Variants in ADCY3 observed in about 807,000 individuals in gnomAD.
ADCY3 encodes the protein adenylate cyclase 3.
In ADCY3, 70 loss-of-function variants were observed where a neutral mutation model predicts 119.4. The observed-to-expected ratio is 0.59, with a 90% CI of 0.48 to 0.72. The LOEUF (loss-of-function observed/expected upper bound fraction) is 0.72. Ranked by LOEUF, ADCY3 falls within the 30% of genes least tolerant of loss-of-function variation. ADCY3 has a pLI of 0.00. For synonymous variants in ADCY3, 672 were observed against 621.4 expected (o/e 1.08, Z -1.21); for missense variants, 1,238 against 1,541.6 (o/e 0.80, Z 3.30).
chr2:24,917,252 C>G (rs1013649989), intron 2 of ADCY3, among the ~76,000 whole-genome samples: 1 of 152,212 alleles, frequency 6.6e-6, no homozygotes, highest in African/African-American at 2.4e-5. Context: ...TCCTGACACC[C>G]AGAAGGTCAC....
At chr2:24,868,249 A>G (rs780649737) in intron 3 of ADCY3, among the ~76,000 whole-genome samples, 1 of 152,250 alleles carries the variant, frequency 6.6e-6, no homozygotes, top group Non-Finnish European at 1.5e-5. Flanking sequence ...ATTAGTAAAT[A>G]TTTTAAATTA....
Position 24,843,686 on chromosome 2 carries a change from C to T in ADCY3, c.826-1302G>A, listed in dbSNP as rs181295013. ...TCTGGAACAGGGAACAGAGGAAGAG[C>T]GGCAGATATGAGGGCAAAGACAGGG... On this transcript the variant is annotated intron_variant, in intron 3 of 21. Transcript: ENST00000679454. 3.9e-5 allele frequency among the ~76,000 whole-genome samples: 6 copies of T among 152,298 alleles called. No homozygotes were observed. The East Asian group carries it at 5.8e-4, about 15-fold the overall frequency.
chr2:24,902,696 A>C (rs1679046292), intron 2 of ADCY3, among the ~76,000 whole-genome samples: 1 of 151,992 alleles, frequency 6.6e-6, no homozygotes, highest in Non-Finnish European at 1.5e-5. Context: ...GATGCAGATG[A>C]AGACCTTTTG....
At chr2:24,894,718 G>A (rs967105526) in intron 2 of ADCY3, among the ~76,000 whole-genome samples, 12 of 151,538 alleles carry the variant, frequency 7.9e-5, no homozygotes, top group African/African-American at 2.7e-4. Flanking sequence ...ACTCCTTTGT[G>A]CAGCCCAAAT....
chr2:24,825,791 C>T (rs1016744383), intron 16 of ADCY3: 7 of 533,414 alleles, frequency 1.3e-5, no homozygotes, highest in South Asian at 4.7e-5. Flanking sequence ...CACTCTATCC[C>T]CTCCCACCTT....
chr2:24,820,804 T>G lies in ADCY3; in HGVS notation c.3172A>C (p.Lys1058Gln). Residue 1058 changes from lysine (K) to glutamine (Q), a missense_variant, in exon 21 of 22, where the codon AAA (lysine) becomes CAA (glutamine). By Grantham distance (53) the Lys-to-Gln change is moderately conservative. Transcript: ENST00000679454. The part of the protein sequence containing the change: ...GVLAGVIGAR[K>Q]PHYDIWGNTV... ...TTGCCCCAGATGTCGTAGTGTGGTT[T>G]CCGGGCTCCGATGACCCCAGCCAGA... 6.2e-7 allele frequency: 1 copy of G among 1,614,136 alleles called. No homozygotes were observed. The highest frequency in any genetic ancestry group is 8.5e-7 in the Non-Finnish European group (1 of 1,180,002).
At chr2:24,905,471 G>A (rs1225314345) in intron 2 of ADCY3, among the ~76,000 whole-genome samples, 1 of 152,220 alleles carries the variant, frequency 6.6e-6, no homozygotes, top group African/African-American at 2.4e-5. Flanking sequence ...GTCTAGGAAA[G>A]TTGAATATGG....
intron 2 of ADCY3, among the ~76,000 whole-genome samples, chr2:24,897,675 TG>T (rs2148970376): frequency 6.6e-6 from 1 of 152,328 alleles, no homozygotes; most frequent in South Asian, 2.1e-4. Context: ...CATCAGTTTA[TG>T]GGGAGTGTGT....
Position 24,831,743 on chromosome 2 carries a change from C to T in ADCY3, c.1974G>A (p.Met658Ile), listed in dbSNP as rs779591835. The T allele has an allele frequency of 5.7e-6, 9 of 1,584,006 alleles. No homozygotes were observed. The East Asian group carries it at 1.4e-4, about 25-fold the overall frequency. The change falls in exon 12 of 22, where the codon ATG becomes ATA. Residue 658 changes from methionine (M) to isoleucine (I), a missense_variant. By Grantham distance (10) the Met-to-Ile change is conservative (BLOSUM62 1). Around this residue, in one of 7 missense-constraint regions of ADCY3, gnomAD observed 499 missense variants for 571.0 expected, o/e 0.87. Coordinates refer to ENST00000679454, the MANE Select transcript of ADCY3 (RefSeq NM_004036.5). ...CCACCATGAAGGTCACATAGTTTGT[C>T]ATTAGCCTGTGACAGAGAGAAGACA... ...LVEILIDPWL[M>I]TNYVTFMVGE...
intron 3 of ADCY3, among the ~76,000 whole-genome samples, chr2:24,844,428 C>T (rs1671431886): frequency 6.6e-6 from 1 of 152,100 alleles, no homozygotes; most frequent in African/African-American, 2.4e-5. Context: ...GGGACCTTGC[C>T]TCCTGACAAG....
chr2:24,837,491 C>T (rs376273373), intron 8 of ADCY3, among the ~76,000 whole-genome samples: 13 of 152,174 alleles, frequency 8.5e-5, no homozygotes, highest in Admixed American at 7.9e-4. Context: ...CGGGGAGTAT[C>T]AGCCTTCACT....
At position 24,899,073 on chromosome 2, in the gene ADCY3, C is replaced by T. The variant is rs1184539181; in HGVS notation, c.675+19240G>A. On this transcript the variant is annotated intron_variant, in intron 2 of 21. Coordinates refer to ENST00000679454, the MANE Select transcript of ADCY3 (RefSeq NM_004036.5). The surrounding 1 kb of genome is among the most constrained non-coding windows in gnomAD (Gnocchi z 4.5). ...TCACTGGCTTCCAATGTCCCCCTAC[C>T]CCTCCCACCTTTTCCCAGCTCACCT... Among the ~76,000 whole-genome samples, 1 of 152,100 alleles carries T rather than the reference C, an allele frequency of 6.6e-6. No homozygotes were observed. Among genetic ancestry groups the T allele is most frequent in the Admixed American group, 6.5e-5 (1 of 15,280 alleles).
intron 16 of ADCY3, chr2:24,825,466 C>G (rs1668485450): frequency 6.5e-6 from 1 of 153,170 alleles, no homozygotes; most frequent in Non-Finnish European, 1.4e-5. Context: ...TCTCAAGTAG[C>G]TGGGATTACA....
intron 3 of ADCY3, among the ~76,000 whole-genome samples, chr2:24,849,394 C>G (rs1477357208): frequency 6.6e-6 from 1 of 152,162 alleles, no homozygotes; most frequent in Non-Finnish European, 1.5e-5. Flanking sequence ...CCAGGGCAGC[C>G]CTGGAGCCCA....
chr2:24,842,176 G>A lies in ADCY3; in HGVS notation c.956+78C>T. 1.3e-6 allele frequency: 2 copies of A among 1,596,514 alleles called. No homozygotes were observed. Among genetic ancestry groups the A allele is most frequent in the Non-Finnish European group, 1.7e-6 (2 of 1,172,264 alleles). On this transcript the variant is annotated intron_variant, in intron 4 of 21. Transcript: ENST00000679454. This position sits in a 1 kb window ranked among gnomAD's most constrained non-coding sequence, Gnocchi z 4.9. ...CCTGGAAAACCTCTTGAAGCCCACAGCACCTAGCGGGTCCCACAAAGATGC... is the reference window on the plus strand; with the variant it reads ...CCTGGAAAACCTCTTGAAGCCCACAACACCTAGCGGGTCCCACAAAGATGC...
chr2:24,834,926 G>A lies in ADCY3; in HGVS notation c.1673C>T (p.Pro558Leu). The change falls in exon 10 of 22, where the codon CCC becomes CTC. Residue 558 changes from proline (P) to leucine (L), a missense_variant. By Grantham distance (98) the Pro-to-Leu change is moderately conservative (BLOSUM62 -3). Around this residue, in one of 7 missense-constraint regions of ADCY3, gnomAD observed 499 missense variants for 571.0 expected, o/e 0.87. Coordinates refer to ENST00000679454, the MANE Select transcript of ADCY3 (RefSeq NM_004036.5). This position sits in a 1 kb window ranked among gnomAD's most constrained non-coding sequence, Gnocchi z 4.2. ...PEEQDAQADN[P>L]SFPNPRRRLR... ...CCTCCGGCGTGGGTTGGGGAATGAG[G>A]GGTTGTCGGCCTGTGAGCCAGGGAG... 2 of 1,613,524 alleles carry A rather than the reference G, an allele frequency of 1.2e-6. No homozygotes were observed. The highest frequency in any genetic ancestry group is 1.7e-6 in the Non-Finnish European group (2 of 1,179,928).
At chr2:24,911,198 G>A (rs553614569) in intron 2 of ADCY3, among the ~76,000 whole-genome samples, 1 of 150,446 alleles carries the variant, frequency 6.6e-6, no homozygotes, top group South Asian at 2.1e-4. Context: ...AACAGGCTCC[G>A]AGGGAAGATA....
At chr2:24,877,470 G>A (rs758048745) in intron 2 of ADCY3, among the ~76,000 whole-genome samples, 11 of 152,174 alleles carry the variant, frequency 7.2e-5, no homozygotes, top group African/African-American at 9.7e-5. Flanking sequence ...AGGCTCGGTC[G>A]CTCCCCTGAG....
At chr2:24,862,727 A>G (rs1673827405) in intron 3 of ADCY3, among the ~76,000 whole-genome samples, 2 of 152,142 alleles carry the variant, frequency 1.3e-5, no homozygotes, top group African/African-American at 4.8e-5. Context: ...AGAAAAAAAA[A>G]TGAAGCAAAC....
Sources: allele counts gnomAD v4.1 joint callset (sites outside exome capture counted in the v4.1 genomes callset), GRCh38; gene constraint gnomAD v4.1.1; regional missense constraint gnomAD v4.1.1; non-coding constraint Gnocchi (gnomAD v3.1); transcripts MANE v1.5; gene names NCBI Gene and HGNC (gene_info 2026-07-23, HGNC 2026-07-21).